The following WWOX variants were observed in gnomAD, a reference collection of about 807,000 sequenced individuals.
The protein encoded by WWOX is WW domain containing oxidoreductase, also known as WW domain-containing oxidoreductase.
In WWOX, 69 loss-of-function variants were observed where a neutral mutation model predicts 46.2. That is an observed-to-expected ratio of 1.49 (90% confidence interval 1.23 to 1.82). The LOEUF is 1.82. Ranked by LOEUF, WWOX falls within the 40% of genes most tolerant of loss-of-function variation. The probability of loss-of-function intolerance (pLI) is 0.00; values close to 1 mark genes in which losing one functional copy is unlikely to be tolerated. For missense variants in WWOX, 919 were observed against 542.6 expected, an observed-to-expected ratio of 1.69 and a Z score of -6.89; for synonymous variants, 359 against 202.6, an observed-to-expected ratio of 1.77 and a Z score of -6.56.
At chr16:78,136,677 T>G (rs1431103695) in intron 4 of WWOX, among the ~76,000 whole-genome samples, 1 of 152,226 alleles carries the variant, frequency 6.6e-6, no homozygotes, top group Admixed American at 6.5e-5. Flanking sequence ...TGTAAAGAGA[T>G]GTTTGGGTTT....
intron 8 of WWOX, among the ~76,000 whole-genome samples, chr16:78,953,646 C>T (rs914527362): frequency 2.0e-5 from 3 of 152,176 alleles, no homozygotes; most frequent in Admixed American, 6.5e-5. Flanking sequence ...TTCAAAACCT[C>T]TTATTGAGGT....
chr16:78,663,006 A>G (rs2047252734), intron 8 of WWOX, among the ~76,000 whole-genome samples: 1 of 152,116 alleles, frequency 6.6e-6, no homozygotes. Context: ...TTTGACTGAG[A>G]TTATTCAGTA....
chr16:79,100,475 A>G (rs560940545), intron 8 of WWOX, among the ~76,000 whole-genome samples: 2 of 152,258 alleles, frequency 1.3e-5, no homozygotes, highest in South Asian at 2.1e-4. Flanking sequence ...CCCAAATCTT[A>G]CAGGCTTGTG....
chr16:78,324,653 G>A (rs1304985636), intron 5 of WWOX, among the ~76,000 whole-genome samples: 1 of 152,008 alleles, frequency 6.6e-6, no homozygotes, highest in East Asian at 1.9e-4. Flanking sequence ...AGTGAACCTG[G>A]TAAACATGAG....
intron 8 of WWOX, among the ~76,000 whole-genome samples, chr16:78,817,001 C>G (rs1009044012): frequency 1.3e-5 from 2 of 152,030 alleles, no homozygotes; most frequent in Admixed American, 1.3e-4. Context: ...CCAGTCCTGA[C>G]TTGGCTTGGG....
chr16:78,883,949 C>T (rs371695347), intron 8 of WWOX, among the ~76,000 whole-genome samples: 7 of 152,064 alleles, frequency 4.6e-5, no homozygotes, highest in Admixed American at 4.6e-4. Flanking sequence ...ACTTGATTTA[C>T]ATAGGATCAA....
At chr16:79,022,313 G>C (rs1163378771) in intron 8 of WWOX, among the ~76,000 whole-genome samples, 1 of 150,130 alleles carries the variant, frequency 6.7e-6, no homozygotes, top group Non-Finnish European at 1.5e-5. Flanking sequence ...GACAGATTTT[G>C]GGGGCAAGAG....
chr16:78,487,494 G>C (rs1333906292), intron 8 of WWOX, among the ~76,000 whole-genome samples: 1 of 152,166 alleles, frequency 6.6e-6, no homozygotes, highest in Admixed American at 6.5e-5. Flanking sequence ...TTTACACTGA[G>C]GGTTTGCGAG....
chr16:78,442,578 G>C (rs1316267999), intron 8 of WWOX, among the ~76,000 whole-genome samples: 1 of 152,014 alleles, frequency 6.6e-6, no homozygotes, highest in South Asian at 2.1e-4. Flanking sequence ...CTTATTTTAC[G>C]ATAAATTGAT....
chr16:78,972,632 A>C (rs1301643111), intron 8 of WWOX, among the ~76,000 whole-genome samples: 1 of 152,056 alleles, frequency 6.6e-6, no homozygotes, highest in East Asian at 1.9e-4. Context: ...ACCGCTGCAC[A>C]TCCCACCCTC....
intron 8 of WWOX, among the ~76,000 whole-genome samples, chr16:78,845,867 C>G (rs188848455): frequency 4.5e-4 from 69 of 152,306 alleles, no homozygotes; most frequent in Middle Eastern, 3.4e-3. Context: ...TTCTGCACGT[C>G]CATTTTAATG....
chr16:79,054,790 C>G (rs569724050), intron 8 of WWOX, among the ~76,000 whole-genome samples: 1 of 152,182 alleles, frequency 6.6e-6, no homozygotes, highest in African/African-American at 2.4e-5. Flanking sequence ...CACACCACCG[C>G]ACTCCAGCCT....
chr16:78,362,498 A>G (rs969844976), intron 5 of WWOX, among the ~76,000 whole-genome samples: 1 of 152,002 alleles, frequency 6.6e-6, no homozygotes, highest in African/African-American at 2.4e-5. Flanking sequence ...TGTTCCAGGT[A>G]CTCGGGAGGC....
At chr16:78,211,562 C>T (rs2036560710) in intron 5 of WWOX, among the ~76,000 whole-genome samples, 1 of 152,144 alleles carries the variant, frequency 6.6e-6, no homozygotes, top group South Asian at 2.1e-4. Context: ...GCTCCTGCTG[C>T]TGCTGCTGCT....
intron 8 of WWOX, among the ~76,000 whole-genome samples, chr16:79,024,667 C>G (rs2047601796): frequency 2.0e-5 from 3 of 152,014 alleles, no homozygotes. Flanking sequence ...CATCTCCTGA[C>G]CTCGTGATCT....
At chr16:79,045,673 T>G (rs1048173696) in intron 8 of WWOX, among the ~76,000 whole-genome samples, 1 of 151,556 alleles carries the variant, frequency 6.6e-6, no homozygotes, top group Non-Finnish European at 1.5e-5. Context: ...AATCACTTAC[T>G]AACTGCATTG....
chr16:78,593,606 G>T (rs1385110209), intron 8 of WWOX, among the ~76,000 whole-genome samples: 1 of 152,198 alleles, frequency 6.6e-6, no homozygotes, highest in African/African-American at 2.4e-5. Flanking sequence ...CGGGGACTTT[G>T]CTGCCACAGT....
intron 8 of WWOX, among the ~76,000 whole-genome samples, chr16:78,770,814 A>G (rs951288585): frequency 2.6e-5 from 4 of 152,200 alleles, no homozygotes; most frequent in Non-Finnish European, 4.4e-5. Flanking sequence ...TTTCCTCCCA[A>G]GCCGAGCAAT....
intron 8 of WWOX, among the ~76,000 whole-genome samples, chr16:79,123,396 G>C (rs1303270390): frequency 6.6e-6 from 1 of 152,138 alleles, no homozygotes; most frequent in Admixed American, 6.5e-5. Context: ...TAACTCCCCA[G>C]GTTTTCGGGA....
Sources: allele counts gnomAD v4.1 joint callset (sites outside exome capture counted in the v4.1 genomes callset), GRCh38; gene constraint gnomAD v4.1.1; transcripts MANE v1.5; gene names NCBI Gene and HGNC (gene_info 2026-07-23, HGNC 2026-07-21).